Variants in CUL1 observed in about 807,000 individuals in gnomAD.
CUL1 encodes the protein cullin-1.
Under a neutral mutation model 118.0 loss-of-function variants are expected in CUL1, and 24 were observed. The ratio of observed to expected loss-of-function variants is 0.20; its 90% CI spans 0.15 to 0.29. CUL1 has a LOEUF of 0.29. CUL1 is among the 10% of genes least tolerant of loss of function. The pLI is 1.00. For missense variants in CUL1, 361 were observed against 933.8 expected (o/e 0.39, Z 7.99); for synonymous variants, 332 against 340.4 (o/e 0.98, Z 0.27).
chr7:148,718,394 C>G (rs894706745), intron 1 of CUL1, among the ~76,000 whole-genome samples: 6 of 152,182 alleles, frequency 3.9e-5, no homozygotes, highest in Admixed American at 3.3e-4. Flanking sequence ...CCCACCATCC[C>G]CACAACCCCA....
intron 1 of CUL1, among the ~76,000 whole-genome samples, chr7:148,705,350 A>T (rs1015621572): frequency 4.6e-5 from 7 of 152,204 alleles, no homozygotes; most frequent in African/African-American, 1.7e-4. Flanking sequence ...GCTTAAGATA[A>T]GAATTTGCTA....
chr7:148,734,607 G>T (rs552834084), intron 2 of CUL1, among the ~76,000 whole-genome samples: 7 of 152,222 alleles, frequency 4.6e-5, no homozygotes, highest in African/African-American at 1.7e-4. Context: ...ATAATACCAG[G>T]TTTCTTTCCT....
chr7:148,763,109 T>C (rs1299682277), intron 7 of CUL1, among the ~76,000 whole-genome samples: 1 of 151,656 alleles, frequency 6.6e-6, no homozygotes, highest in Non-Finnish European at 1.5e-5. Flanking sequence ...ATCGCGCCAT[T>C]GCACTCCAGC....
At chr7:148,775,513 AT>A (rs1800365415) in intron 9 of CUL1, among the ~76,000 whole-genome samples, 3 of 152,182 alleles carry the variant, frequency 2.0e-5, no homozygotes, top group African/African-American at 4.8e-5. Flanking sequence ...ATATTAAAAC[AT>A]TTTTTTAAGA....
chr7:148,777,321 T>C (rs901107169), intron 9 of CUL1, among the ~76,000 whole-genome samples: 1 of 152,152 alleles, frequency 6.6e-6, no homozygotes, highest in African/African-American at 2.4e-5. Context: ...ATATTGATGA[T>C]TGAAGCAAAA....
intron 20 of CUL1, among the ~76,000 whole-genome samples, chr7:148,798,890 C>T (rs1168675931): frequency 6.6e-6 from 1 of 152,096 alleles, no homozygotes; most frequent in East Asian, 1.9e-4. Flanking sequence ...TCCTCTTGCT[C>T]TAAATGTTGG....
intron 1 of CUL1, among the ~76,000 whole-genome samples, chr7:148,700,664 T>G (rs1200253163): frequency 6.6e-6 from 1 of 152,248 alleles, no homozygotes. Context: ...TTTAACTCTA[T>G]TAATGCCCAT....
At position 148,787,247 on chromosome 7, in the gene CUL1, G is replaced by A. The variant is rs573638816; in HGVS notation, c.1479+127G>A. The A allele has an allele frequency of 2.2e-4, 190 of 857,478 alleles. 1 individual carries two copies. The East Asian group carries it at 5.0e-3, about 23-fold the overall frequency. 53.1% of individuals were successfully genotyped at this position (857,478 alleles called of 1,614,324 possible). ...GGAGGCCGAGGCGGGCAGATCACGA[G>A]GTCAGGAGATCGAGACCATCCTGGC... On this transcript the variant is annotated intron_variant, in intron 13 of 21. Coordinates refer to ENST00000325222, the MANE Select transcript of CUL1 (RefSeq NM_003592.3). The surrounding 1 kb of genome is among the most constrained non-coding windows in gnomAD (Gnocchi z 5.5).
At chr7:148,740,058 CT>C (rs200881202) in intron 2 of CUL1, among the ~76,000 whole-genome samples, 207 of 143,160 alleles carry the variant, frequency 1.4e-3, no homozygotes, top group Non-Finnish European at 1.4e-3. Context: ...TTTTTAATGG[CT>C]TTTTTTTTTT....
intron 2 of CUL1, among the ~76,000 whole-genome samples, chr7:148,736,480 T>A (rs1322016152): frequency 6.6e-6 from 1 of 152,110 alleles, no homozygotes; most frequent in African/African-American, 2.4e-5. Flanking sequence ...ATTTTTTATT[T>A]TTTGCAGACA....
intron 1 of CUL1, among the ~76,000 whole-genome samples, chr7:148,714,112 A>C (rs2129459098): frequency 6.6e-6 from 1 of 152,344 alleles, no homozygotes; most frequent in South Asian, 2.1e-4. Context: ...AGGCTCTACT[A>C]ATTTATTCTT....
intron 1 of CUL1, among the ~76,000 whole-genome samples, chr7:148,701,310 C>T (rs1797716055): frequency 6.6e-6 from 1 of 152,074 alleles, no homozygotes; most frequent in Admixed American, 6.6e-5. Flanking sequence ...CTCTCTCATC[C>T]CTCCTTTTCT....
At chr7:148,765,802 A>T (rs1210301120) in intron 7 of CUL1, among the ~76,000 whole-genome samples, 3 of 152,188 alleles carry the variant, frequency 2.0e-5, no homozygotes, top group Non-Finnish European at 4.4e-5. Context: ...ATTTCTGATG[A>T]TGATTTCCAT....
chr7:148,773,255 G>T (rs1800279687), intron 9 of CUL1, among the ~76,000 whole-genome samples: 1 of 151,932 alleles, frequency 6.6e-6, no homozygotes, highest in Non-Finnish European at 1.5e-5. Context: ...CATGAACCCT[G>T]TCTTCCAGTG....
chr7:148,754,464 C>T (rs1016765632), intron 3 of CUL1, among the ~76,000 whole-genome samples: 2 of 152,256 alleles, frequency 1.3e-5, no homozygotes, highest in Non-Finnish European at 2.9e-5. Context: ...TGCTCACCAC[C>T]GTGCCCAGCT....
Position 148,798,776 on chromosome 7 carries a change from G to A in CUL1, c.2136+99G>A, listed in dbSNP as rs1437888287. 21 of 926,546 alleles carry A rather than the reference G, an allele frequency of 2.3e-5. No individual in the cohort carries two copies. The East Asian group carries it at 4.6e-4, about 20-fold the overall frequency. 57.4% of individuals were successfully genotyped at this position (926,546 alleles called of 1,614,324 possible). ...GGGTAGGCGGGGGTGACAAAGGAGT[G>A]ATTGCCAGATGAATGGGTCTGTGAT... On this transcript the variant is annotated intron_variant, in intron 20 of 21. Coordinates refer to ENST00000325222, the MANE Select transcript of CUL1 (RefSeq NM_003592.3).
chr7:148,778,095 A>G (rs1323097910), intron 9 of CUL1, among the ~76,000 whole-genome samples: 104 of 80,706 alleles, frequency 1.3e-3, no homozygotes, highest in Non-Finnish European at 2.0e-3. Context: ...AAAAAAAAAA[A>G]AAGAAGAAGA....
intron 1 of CUL1, among the ~76,000 whole-genome samples, chr7:148,704,483 CA>C (rs914448600): frequency 1.3e-5 from 2 of 151,548 alleles, no homozygotes; most frequent in East Asian, 1.9e-4. Flanking sequence ...TAAGAAAATA[CA>C]AAAAAAATGA....
rs1798791299 is a variant in CUL1, at chr7:148,732,395, T to G, written c.140+2133T>G. Among the ~76,000 whole-genome samples the G allele has an allele frequency of 2.0e-5, 3 of 150,758 alleles. No individual in the cohort carries two copies. The Admixed American group carries it at 2.0e-4, about 10-fold the overall frequency. ...GTCTCGCTCTGCCACCCAGGCTAAGTGCAGTGTCATGATCTCGGCTCACTG... is the reference window on the plus strand; with the variant it reads ...GTCTCGCTCTGCCACCCAGGCTAAGGGCAGTGTCATGATCTCGGCTCACTG... On this transcript the variant is annotated intron_variant, in intron 2 of 21. Transcript: ENST00000325222.
Sources: gnomAD v4.1 joint callset for allele counts (sites outside exome capture counted in the v4.1 genomes callset) on GRCh38, gnomAD v4.1.1 for gene constraint, Gnocchi (gnomAD v3.1) non-coding constraint, MANE v1.5 for transcripts, NCBI Gene and HGNC (gene_info 2026-07-23, HGNC 2026-07-21) for gene names.